The following PADI3 variants were observed in gnomAD, a reference collection of about 807,000 sequenced individuals.
PADI3 encodes the protein peptidyl arginine deiminase 3, also known as protein-arginine deiminase type-3.
Under a neutral mutation model 71.5 loss-of-function variants are expected in PADI3, and 53 were observed. The ratio of observed to expected loss-of-function variants is 0.74; its 90% CI spans 0.59 to 0.93. The LOEUF (loss-of-function observed/expected upper bound fraction) is 0.93, where lower values mean the gene tolerates loss of function less well. PADI3 is among the 40% of genes least tolerant of loss of function. PADI3 has a pLI of 0.00. For missense variants in PADI3, 821 were observed against 868.0 expected (o/e 0.95, Z 0.68); for synonymous variants, 361 against 347.5 (o/e 1.04, Z -0.43).
rs775790483 is a variant in PADI3, at chr1:17,270,887, G to A, written c.840G>A (p.Ser280=). 61 of 1,613,786 alleles carry A rather than the reference G, an allele frequency of 3.8e-5. No homozygotes were observed. Among genetic ancestry groups the A allele is most frequent in the African/African-American group, 5.3e-5 (4 of 74,948 alleles). Reference sequence around the variant, plus strand: ...CTGGTCTGCCCCTGCAGGATTTCTCGGCATCCCCTATCTTCACTGACACTG... The same window carrying A: ...CTGGTCTGCCCCTGCAGGATTTCTCAGCATCCCCTATCTTCACTGACACTG... The part of the protein sequence containing the change: ...TLLDDSNEDF[S]ASPIFTDTVV... The change falls in exon 8 of 16, where the codon TCG becomes TCA. Residue 280 remains serine (S), a synonymous_variant. Coordinates refer to ENST00000375460, the MANE Select transcript of PADI3 (RefSeq NM_016233.2).
intron 7 of PADI3, 115 bp downstream of exon 7, chr1:17,270,526 T>C: frequency 1.0e-6 from 1 of 961,762 alleles, no homozygotes; most frequent in Middle Eastern, 3.3e-4. Flanking sequence ...TGTACACCTA[T>C]AGTCCCAGTT....
rs1037921293 is a variant in PADI3 at position 17,271,121 on chromosome 1, C to T, written c.990C>T (p.Ala330=). The T allele has an allele frequency of 2.3e-5, 37 of 1,613,750 alleles. No homozygotes were observed. Among genetic ancestry groups the T allele is most frequent in the African/African-American group, 2.1e-4 (16 of 74,906 alleles). ...VDAVAELARK[A]GCKLTICPQA... ...CGGTGGCAGAGCTGGCCAGGAAGGCCGGCTGCAAGCTGACCATCTGCCCAC... is the reference window on the plus strand; with the variant it reads ...CGGTGGCAGAGCTGGCCAGGAAGGCTGGCTGCAAGCTGACCATCTGCCCAC... Residue 330 remains alanine (A), a synonymous_variant, in exon 9 of 16, where the codon GCC becomes GCT. Transcript: ENST00000375460.
Position 17,259,576 on chromosome 1 carries a change from A to G in PADI3, c.93-2A>G. On this transcript the variant is annotated splice_acceptor_variant, in intron 1 of 15. Coordinates refer to ENST00000375460, the MANE Select transcript of PADI3 (RefSeq NM_016233.2). LOFTEE classifies it high-confidence loss of function. ...CCGACCATGGCTCTCTGCCCTGCCC[A>G]GGTCAGTGCCTGAGGGCACAGAAAT... 5 of 1,598,456 alleles carry G rather than the reference A, an allele frequency of 3.1e-6. No homozygotes were observed. Among genetic ancestry groups the G allele is most frequent in the Non-Finnish European group, 3.4e-6 (4 of 1,170,374 alleles).
chr1:17,259,966 G>A (rs2100565594), intron 2 of PADI3, among the ~76,000 whole-genome samples: 1 of 152,290 alleles, frequency 6.6e-6, no homozygotes, highest in African/African-American at 2.4e-5. Flanking sequence ...CATCCCCTTG[G>A]GGCCTCTGTC....
chr1:17,275,436 C>CAAAAAAAA (rs10617336), intron 11 of PADI3, among the ~76,000 whole-genome samples: 1 of 89,472 alleles, frequency 1.1e-5, no homozygotes, highest in Admixed American at 1.6e-4. Context: ...GACTCCGTCT[C>CAAAAAAAA]AAAAAAAAAA....
intron 1 of PADI3, among the ~76,000 whole-genome samples, chr1:17,250,786 C>T (rs944882540): frequency 3.3e-5 from 5 of 152,204 alleles, no homozygotes; most frequent in Non-Finnish European, 5.9e-5. Context: ...CCTGCTGCCT[C>T]GTGCCCGTTG....
intron 11 of PADI3, 112 bp downstream of exon 11, chr1:17,274,898 A>T: frequency 8.8e-7 from 1 of 1,133,932 alleles, no homozygotes; most frequent in Non-Finnish European, 1.2e-6. Context: ...GAAGCAAGGA[A>T]TGATGAAATT....
At chr1:17,268,498 CTTTTTTT>C (rs564947321) in intron 6 of PADI3, among the ~76,000 whole-genome samples, 1,054 of 89,298 alleles carry the variant, frequency 0.012, 8 homozygotes, top group Non-Finnish European at 0.015. Flanking sequence ...TAATAAGATG[CTTTTTTT>C]TTTTTTTTTT....
chr1:17,250,104 G>A (rs1461605849), intron 1 of PADI3, among the ~76,000 whole-genome samples: 1 of 152,174 alleles, frequency 6.6e-6, no homozygotes, highest in African/African-American at 2.4e-5. Context: ...TGGGCTCTGG[G>A]GACCACCAGG....
intron 3 of PADI3, 124 bp from the exon 4 acceptor site, chr1:17,265,535 C>T: frequency 1.2e-6 from 1 of 841,888 alleles, no homozygotes; most frequent in African/African-American, 1.7e-5. Context: ...ATGCCCTCAC[C>T]TCTTGGATGG....
chr1:17,273,265 G>C, intron 9 of PADI3, 75 bp from the exon 10 acceptor site: 1 of 1,157,240 alleles, frequency 8.6e-7, no homozygotes, highest in South Asian at 1.3e-5. Context: ...CTGCCCCACA[G>C]GGCTCAGAGC....
chr1:17,282,726 A>G, intron 15 of PADI3, 120 bp from the exon 16 acceptor site: 1 of 729,990 alleles, frequency 1.4e-6, no homozygotes, highest in Non-Finnish European at 2.3e-6. Flanking sequence ...CTCATTGCAC[A>G]GGAAAGGGTG....
intron 15 of PADI3, 147 bp from the exon 16 acceptor site, chr1:17,282,699 C>G: frequency 1.5e-6 from 1 of 658,490 alleles, no homozygotes; most frequent in East Asian, 2.7e-5. Flanking sequence ...TTCCCAGCCC[C>G]TTTAGCCAGT....
chr1:17,274,401 G>A (rs1164584522), intron 10 of PADI3, among the ~76,000 whole-genome samples: 1 of 152,240 alleles, frequency 6.6e-6, no homozygotes, highest in Non-Finnish European at 1.5e-5. Context: ...CTGCTGTCTT[G>A]CCGTGATAAG....
chr1:17,252,325 C>G (rs1210165458), intron 1 of PADI3, among the ~76,000 whole-genome samples: 1 of 151,926 alleles, frequency 6.6e-6, no homozygotes, highest in Non-Finnish European at 1.5e-5. Flanking sequence ...ACAGCTCTTT[C>G]TCAAGGCTCA....
intron 13 of PADI3, among the ~76,000 whole-genome samples, chr1:17,277,664 C>T (rs1426908762): frequency 6.6e-6 from 1 of 152,264 alleles, no homozygotes; most frequent in Non-Finnish European, 1.5e-5. Flanking sequence ...CAAGGCCTCC[C>T]CCATCTCTGT....
intron 9 of PADI3, among the ~76,000 whole-genome samples, chr1:17,272,346 T>C (rs1380871689): frequency 2.6e-5 from 4 of 152,096 alleles, no homozygotes; most frequent in African/African-American, 9.7e-5. Context: ...TTAAGGAGCT[T>C]TCCTCTTGGC....
rs1435636768 is a variant in PADI3 at position 17,270,340 on chromosome 1, CTG to C, written c.762_763del (p.Ser255LeufsTer3). 24 of 1,614,044 alleles carry C rather than the reference CTG, an allele frequency of 1.5e-5. No individual in the cohort carries two copies. Among genetic ancestry groups the C allele is most frequent in the Non-Finnish European group, 1.9e-5 (23 of 1,180,002 alleles). Reference protein sequence around the residue: ...GDEERFFVEGLSFPDAGFTGL... With the variant: ...GDEERFFVEGXSFPDAGFTGL... ...TGAGGAGCGCTTCTTCGTGGAAGGC[CTG>C]TCCTTCCCTGATGCCGGCTTCACAG... On this transcript the variant is annotated frameshift_variant, in exon 7 of 16. Transcript: ENST00000375460. LOFTEE classifies it high-confidence loss of function.
rs2073386893 is a variant in PADI3, at chr1:17,280,512, G to A, written c.1635+83G>A. 9 of 1,483,800 alleles carry A rather than the reference G, an allele frequency of 6.1e-6. 1 individual carries two copies. Among genetic ancestry groups the A allele is most frequent in the South Asian group, 3.4e-5 (3 of 88,214 alleles). The allele number at this position is 1,483,800 out of a possible 1,614,324, so 91.9% of individuals were successfully genotyped here. ...CAAGGATGGGATACAGACATCTGAG[G>A]CTAACTGTTCATGAAAGCTCAGGTT... On this transcript the variant is annotated intron_variant, in intron 14 of 15. Transcript: ENST00000375460.
Sources: gnomAD v4.1 joint callset for allele counts (sites outside exome capture counted in the v4.1 genomes callset) on GRCh38, gnomAD v4.1.1 for gene constraint, MANE v1.5 for transcripts, NCBI Gene and HGNC (gene_info 2026-07-23, HGNC 2026-07-21) for gene names.